NEXMIF: variants seen among roughly 807,000 people sequenced by gnomAD.
The protein encoded by NEXMIF is neurite extension and migration factor.
In NEXMIF, 8 loss-of-function variants were observed where a neutral mutation model predicts 62.1. That is an observed-to-expected ratio of 0.13 (90% CI 0.08 to 0.23). The LOEUF (loss-of-function observed/expected upper bound fraction) is 0.23. NEXMIF is among the 10% of genes least tolerant of loss of function. NEXMIF has a pLI of 1.00. For missense variants in NEXMIF, 976 were observed against 1,113.3 expected (o/e 0.88, Z 1.75); for synonymous variants, 404 against 416.6 (o/e 0.97, Z 0.37).
intron 1 of NEXMIF, among the ~76,000 whole-genome samples, chrX:74,889,672 G>A (rs2080710324): frequency 1.0e-5 from 1 of 98,208 alleles, no homozygotes; most frequent in African/African-American, 4.3e-5. Context: ...ATCTAGTTAT[G>A]GGCTCCAAAA....
intron 1 of NEXMIF, among the ~76,000 whole-genome samples, chrX:74,840,815 C>G (rs746716250): frequency 9.0e-6 from 1 of 110,957 alleles, no homozygotes; most frequent in African/African-American, 3.3e-5. Flanking sequence ...CACTTCTGGG[C>G]TTTCTATTCT....
At position 74,925,229 on chromosome X, in the gene NEXMIF, C is replaced by A. The variant is rs1044091179; in HGVS notation, c.-394G>T. ...CGTGCTTCGCTTACACTGTCGCTCG[C>A]CCCGGCTGGAGCTACCTAGCGAGCG... On this transcript the variant is annotated 5_prime_UTR_variant, in exon 1 of 4. Transcript: ENST00000055682. 1 of 117,991 alleles carries A rather than the reference C, an allele frequency of 8.5e-6. No homozygotes were observed. Among genetic ancestry groups the A allele is most frequent in the African/African-American group, 3.2e-5 (1 of 31,329 alleles). 9.7% of individuals were successfully genotyped at this position (117,991 alleles called of 1,213,427 possible). A position where few individuals can be genotyped will look rare whatever the true frequency, so the allele number is the denominator to read the frequency against.
chrX:74,869,639 C>T (rs1309536079), intron 1 of NEXMIF, among the ~76,000 whole-genome samples: 1 of 111,858 alleles, frequency 8.9e-6, no homozygotes, highest in Non-Finnish European at 1.9e-5. Flanking sequence ...AATATGCTAT[C>T]AACATGCAGA....
chrX:74,799,915 T>C (rs2080324377), intron 1 of NEXMIF, among the ~76,000 whole-genome samples: 1 of 111,390 alleles, frequency 9.0e-6, no homozygotes, highest in South Asian at 3.8e-4. Flanking sequence ...AAACTCATAG[T>C]ATTGAAGGGA....
chrX:74,918,939 C>A (rs2080816984), intron 1 of NEXMIF, among the ~76,000 whole-genome samples: 2 of 112,104 alleles, frequency 1.8e-5, no homozygotes, highest in African/African-American at 3.2e-5. Context: ...ATGGAAAAGG[C>A]AAATTGAAAA....
At chrX:74,922,340 GT>G (rs1569369713) in intron 1 of NEXMIF, among the ~76,000 whole-genome samples, 16 of 3,207 alleles carry the variant, frequency 5.0e-3, no homozygotes, top group Admixed American at 0.018. Flanking sequence ...TGTTATGGGT[GT>G]GTGTGTGTGT....
At chrX:74,864,638 G>A (rs886793959) in intron 1 of NEXMIF, among the ~76,000 whole-genome samples, 3 of 111,993 alleles carry the variant, frequency 2.7e-5, no homozygotes, top group African/African-American at 9.7e-5. Flanking sequence ...TGATTGTGAG[G>A]CCTTCCCAGC....
chrX:74,855,754 C>T (rs2080532828), intron 1 of NEXMIF, among the ~76,000 whole-genome samples: 1 of 112,060 alleles, frequency 8.9e-6, no homozygotes, highest in African/African-American at 3.2e-5. Flanking sequence ...CACAGAGTCC[C>T]TTCACAAAGA....
At chrX:74,877,235 T>C (rs1236921043) in intron 1 of NEXMIF, among the ~76,000 whole-genome samples, 1 of 111,045 alleles carries the variant, frequency 9.0e-6, no homozygotes, top group Non-Finnish European at 1.9e-5. Context: ...GTATTTTATT[T>C]CTCCTTCACT....
chrX:74,910,769 C>T (rs985229540), intron 1 of NEXMIF, among the ~76,000 whole-genome samples: 2 of 111,025 alleles, frequency 1.8e-5, no homozygotes, highest in Non-Finnish European at 3.8e-5. Context: ...GGGGCAGTTT[C>T]CCCCATACTG....
At chrX:74,853,410 G>A (rs2080523018) in intron 1 of NEXMIF, among the ~76,000 whole-genome samples, 1 of 107,767 alleles carries the variant, frequency 9.3e-6, no homozygotes, top group Non-Finnish European at 1.9e-5. Flanking sequence ...CATGATGCCT[G>A]TACACACGGT....
intron 1 of NEXMIF, among the ~76,000 whole-genome samples, chrX:74,754,290 CTTTTTTTATTTTTA>C (rs1330725625): frequency 8.4e-5 from 9 of 106,723 alleles, no homozygotes; most frequent in African/African-American, 2.7e-4. Flanking sequence ...TTTTCTTTCT[CTTTTTTTATTTTTA>C]TTTTTTTATT....
At chrX:74,877,039 G>A (rs1398492029) in intron 1 of NEXMIF, among the ~76,000 whole-genome samples, 2 of 111,658 alleles carry the variant, frequency 1.8e-5, no homozygotes, top group Non-Finnish European at 3.8e-5. Flanking sequence ...TCTTTACGAT[G>A]TTAGCTGGGT....
intron 1 of NEXMIF, among the ~76,000 whole-genome samples, chrX:74,781,659 C>T (rs1385525464): frequency 9.8e-6 from 1 of 102,348 alleles, no homozygotes; most frequent in African/African-American, 3.6e-5. Flanking sequence ...AAGATTTTCC[C>T]TCTTACCAGG....
In NEXMIF at chrX:74,742,743, G is replaced by T. The variant is rs778364110; in HGVS notation, c.1814C>A (p.Pro605His). Residue 605 changes from proline to histidine, a missense_variant, in exon 3 of 4, where the codon CCT becomes CAT. Coordinates refer to ENST00000055682, the MANE Select transcript of NEXMIF (RefSeq NM_001008537.3). The part of the protein sequence containing the change: ...RNTNTDSIKT[P>H]FSQKQSFEPG... ...TTCAAAGCTTTGCTTTTGGGAAAAA[G>T]GTGTCTTGATGGAGTCCGTGTTGGT... 2 of 1,208,954 alleles carry T rather than the reference G, an allele frequency of 1.7e-6. No homozygotes were observed. Among genetic ancestry groups the T allele is most frequent in the African/African-American group, 3.5e-5 (2 of 56,990 alleles).
intron 1 of NEXMIF, among the ~76,000 whole-genome samples, chrX:74,833,345 T>C (rs960556366): frequency 1.8e-5 from 2 of 112,233 alleles, no homozygotes; most frequent in Admixed American, 1.9e-4. Flanking sequence ...TTGAACCCTT[T>C]ATCATTATAT....
intron 1 of NEXMIF, among the ~76,000 whole-genome samples, chrX:74,767,607 C>A (rs1207887481): frequency 9.0e-6 from 1 of 110,957 alleles, no homozygotes; most frequent in African/African-American, 3.3e-5. Context: ...CCATCCCTCC[C>A]CTGGGAGCTC....
chrX:74,907,015 T>C (rs766935969), intron 1 of NEXMIF, among the ~76,000 whole-genome samples: 1 of 111,631 alleles, frequency 9.0e-6, no homozygotes, highest in African/African-American at 3.3e-5. Flanking sequence ...GGGCACCTTA[T>C]AATATGATGT....
intron 1 of NEXMIF, among the ~76,000 whole-genome samples, chrX:74,866,705 G>T (rs931766042): frequency 1.1e-4 from 12 of 112,496 alleles, no homozygotes; most frequent in South Asian, 3.7e-4. Context: ...CTGTTCTCAT[G>T]ATAGTGAATA....
Sources: gnomAD v4.1 joint callset for allele counts (sites outside exome capture counted in the v4.1 genomes callset) on GRCh38, gnomAD v4.1.1 for gene constraint, MANE v1.5 for transcripts, NCBI Gene and HGNC (gene_info 2026-07-23, HGNC 2026-07-21) for gene names.